Variants in CLSTN2 observed in about 807,000 individuals in gnomAD.
The protein encoded by CLSTN2 is calsyntenin 2, also known as calsyntenin-2.
CLSTN2 carries 48 observed loss-of-function variants against 101.2 expected under a neutral mutation model. The ratio of observed to expected loss-of-function variants is 0.47; its 90% CI spans 0.38 to 0.60. CLSTN2 has a LOEUF of 0.60. CLSTN2 is among the 20% of genes least tolerant of loss of function. The pLI is 0.00. For synonymous variants in CLSTN2, 481 were observed against 463.6 expected (o/e 1.04, Z -0.48); for missense variants, 1,160 against 1,238.2 (o/e 0.94, Z 0.95).
chr3:140,302,175 G>C (rs527614757), intron 2 of CLSTN2, among the ~76,000 whole-genome samples: 2 of 152,228 alleles, frequency 1.3e-5, no homozygotes, highest in Non-Finnish European at 2.9e-5. Flanking sequence ...GCTAGTTTTT[G>C]TTTCTTGTGG....
chr3:140,545,256 A>G (rs1243865364), intron 9 of CLSTN2, among the ~76,000 whole-genome samples: 1 of 152,158 alleles, frequency 6.6e-6, no homozygotes, highest in African/African-American at 2.4e-5. Context: ...TCTGGCCTCT[A>G]GAGAGCCAGA....
chr3:140,439,781 T>A (rs1194345353), intron 5 of CLSTN2, among the ~76,000 whole-genome samples: 1 of 152,068 alleles, frequency 6.6e-6, no homozygotes, highest in African/African-American at 2.4e-5. Flanking sequence ...CAGCCATGTC[T>A]CAAATCCTTC....
At chr3:140,146,149 A>G (rs1214691676) in intron 1 of CLSTN2, among the ~76,000 whole-genome samples, 1 of 152,244 alleles carries the variant, frequency 6.6e-6, no homozygotes, top group African/African-American at 2.4e-5. Flanking sequence ...AAAAATGTGT[A>G]TGAAGGAGCA....
At chr3:140,002,545 G>A (rs1159800704) in intron 1 of CLSTN2, among the ~76,000 whole-genome samples, 1 of 152,076 alleles carries the variant, frequency 6.6e-6, no homozygotes, top group Non-Finnish European at 1.5e-5. Context: ...CCTTTGCTGT[G>A]CAGAAGCTTT....
At chr3:140,374,015 G>A (rs190299337) in intron 2 of CLSTN2, among the ~76,000 whole-genome samples, 38 of 152,312 alleles carry the variant, frequency 2.5e-4, no homozygotes, top group Non-Finnish European at 4.4e-4. Context: ...AGCCTGGATG[G>A]CTTCCATCAC....
At chr3:140,487,115 C>G (rs933577018) in intron 8 of CLSTN2, among the ~76,000 whole-genome samples, 6 of 152,096 alleles carry the variant, frequency 3.9e-5, no homozygotes, top group Non-Finnish European at 8.8e-5. Flanking sequence ...AAATCACTCT[C>G]TATTCAAACT....
intron 2 of CLSTN2, among the ~76,000 whole-genome samples, chr3:140,213,185 C>T (rs920163552): frequency 6.6e-6 from 1 of 152,156 alleles, no homozygotes; most frequent in Non-Finnish European, 1.5e-5. Flanking sequence ...TGACTACCAC[C>T]TTCAGTCCCA....
At chr3:140,139,301 T>A (rs2009661102) in intron 1 of CLSTN2, among the ~76,000 whole-genome samples, 1 of 152,210 alleles carries the variant, frequency 6.6e-6, no homozygotes, top group African/African-American at 2.4e-5. Context: ...AAAATTGAAA[T>A]CATAATATTT....
At chr3:140,003,966 A>G (rs908324688) in intron 1 of CLSTN2, among the ~76,000 whole-genome samples, 4 of 152,186 alleles carry the variant, frequency 2.6e-5, no homozygotes, top group Admixed American at 6.5e-5. Flanking sequence ...TCGCCTCTTC[A>G]TATGTCTGAT....
intron 1 of CLSTN2, among the ~76,000 whole-genome samples, chr3:140,173,915 C>A (rs1300444373): frequency 6.6e-6 from 1 of 152,190 alleles, no homozygotes; most frequent in Non-Finnish European, 1.5e-5. Context: ...ATGGGAGGGG[C>A]TGCCATGAAG....
chr3:140,235,539 G>A lies in CLSTN2; in HGVS notation c.232+59466G>A, dbSNP rs145550853. ...TGTGTGCAGCTCTGGGGATCCTCCC[G>A]TGGGTCTGAGTGGCTCTAATTAGTC... On this transcript the variant is annotated intron_variant, in intron 2 of 16. Transcript: ENST00000458420. Among the ~76,000 whole-genome samples, 29 of 152,328 alleles carry A rather than the reference G, an allele frequency of 1.9e-4. No individual in the cohort carries two copies. The East Asian group carries it at 2.5e-3, about 13-fold the overall frequency.
chr3:140,445,728 A>T (rs553678050), intron 5 of CLSTN2, among the ~76,000 whole-genome samples: 1 of 152,266 alleles, frequency 6.6e-6, no homozygotes, highest in African/African-American at 2.4e-5. Context: ...AGGAAGTGCT[A>T]CCAAGGCAGC....
intron 1 of CLSTN2, among the ~76,000 whole-genome samples, chr3:140,156,384 T>C (rs2009954260): frequency 6.6e-6 from 1 of 152,240 alleles, no homozygotes; most frequent in Non-Finnish European, 1.5e-5. Context: ...AAATAGGGCC[T>C]TCTGTATCAT....
chr3:140,362,563 T>A (rs1277067385), intron 2 of CLSTN2, among the ~76,000 whole-genome samples: 1 of 152,176 alleles, frequency 6.6e-6, no homozygotes, highest in Non-Finnish European at 1.5e-5. Context: ...ACAAATCATA[T>A]ATCTATTAAG....
At position 139,981,434 on chromosome 3, in the gene CLSTN2, C is replaced by G. The variant is rs1310732524; in HGVS notation, c.109+45951C>G. Among the ~76,000 whole-genome samples the G allele has an allele frequency of 2.0e-5, 3 of 152,144 alleles. No homozygotes were observed. The South Asian group carries it at 6.2e-4, about 32-fold the overall frequency. On this transcript the variant is annotated intron_variant, in intron 1 of 16. Coordinates refer to ENST00000458420, the MANE Select transcript of CLSTN2 (RefSeq NM_022131.3). ...ATTAATGGCCTTTGAAAGCACAGAC[C>G]TCATGTAATTTTTATCATTGCCTAT...
At chr3:140,288,111 C>T (rs562519560) in intron 2 of CLSTN2, among the ~76,000 whole-genome samples, 2 of 80,974 alleles carry the variant, frequency 2.5e-5, no homozygotes, top group South Asian at 1.0e-3. Flanking sequence ...AAAGCAGTCT[C>T]AGCAGAACAG....
chr3:140,337,842 A>G (rs1181777419), intron 2 of CLSTN2, among the ~76,000 whole-genome samples: 1 of 152,184 alleles, frequency 6.6e-6, no homozygotes, highest in East Asian at 1.9e-4. Flanking sequence ...GCCCTTACTC[A>G]TGGGCTAGAA....
At chr3:140,082,637 CT>C (rs1228736739) in intron 1 of CLSTN2, among the ~76,000 whole-genome samples, 1 of 152,194 alleles carries the variant, frequency 6.6e-6, no homozygotes, top group Non-Finnish European at 1.5e-5. Context: ...TTCTCATCCC[CT>C]CGTTGTGTTG....
intron 2 of CLSTN2, among the ~76,000 whole-genome samples, chr3:140,399,929 C>T (rs2088221767): frequency 6.6e-6 from 1 of 151,760 alleles, no homozygotes; most frequent in South Asian, 2.1e-4. Flanking sequence ...GTGAATATTA[C>T]TCTTTACCTT....
Sources: allele counts gnomAD v4.1 joint callset (sites outside exome capture counted in the v4.1 genomes callset), GRCh38; gene constraint gnomAD v4.1.1; transcripts MANE v1.5; gene names NCBI Gene and HGNC (gene_info 2026-07-23, HGNC 2026-07-21).